VRK1: variants seen among roughly 807,000 people sequenced by gnomAD.
The protein encoded by VRK1 is serine/threonine-protein kinase VRK1.
In VRK1, 33 loss-of-function variants were observed where a neutral mutation model predicts 57.1. The ratio of observed to expected loss-of-function variants is 0.58; its 90% CI spans 0.44 to 0.77. VRK1 has a LOEUF of 0.77. Ranked by LOEUF, VRK1 falls within the 30% of genes least tolerant of loss-of-function variation. VRK1 has a pLI of 0.00. For missense variants in VRK1, 413 were observed against 477.3 expected (o/e 0.87, Z 1.25); for synonymous variants, 137 against 147.8 (o/e 0.93, Z 0.53).
chr14:96,855,445 A>G (rs1320027352), intron 8 of VRK1, 89 bp downstream of exon 8: 1 of 1,594,750 alleles, frequency 6.3e-7, no homozygotes, highest in Non-Finnish European at 8.6e-7. Context: ...AAGTAAATGA[A>G]TAGATAAATA....
At chr14:96,851,529 T>A (rs1261150250) in intron 5 of VRK1, among the ~76,000 whole-genome samples, 1 of 152,232 alleles carries the variant, frequency 6.6e-6, no homozygotes, top group Non-Finnish European at 1.5e-5. Flanking sequence ...TTAGACAAGA[T>A]GATTTTCTAA....
chr14:96,855,172 A>T, intron 7 of VRK1, 52 bp from the exon 8 acceptor site: 1 of 1,613,266 alleles, frequency 6.2e-7, no homozygotes, highest in East Asian at 2.2e-5. Flanking sequence ...TTAAAGGGTT[A>T]TATGTGCAGT....
rs138203192 is a variant in VRK1, at chr14:96,835,937, C to T, written c.161-1825C>T. Among the ~76,000 whole-genome samples the T allele has an allele frequency of 2.6e-3, 392 of 152,192 alleles. 3 individuals carry two copies. Among genetic ancestry groups the T allele is most frequent in the African/African-American group, 8.7e-3 (361 of 41,520 alleles). On this transcript the variant is annotated intron_variant, in intron 2 of 12. Coordinates refer to ENST00000216639, the MANE Select transcript of VRK1 (RefSeq NM_003384.3). ...GACCAAGTATACTGATCAGATAATA[C>T]GATCATCCTGTTTAAACCTCTCTGA... is the stretch of plus-strand genomic sequence containing the variant.
At chr14:96,815,157 TA>T (rs1405172909) in intron 1 of VRK1, among the ~76,000 whole-genome samples, 1 of 152,224 alleles carries the variant, frequency 6.6e-6, no homozygotes, top group East Asian at 1.9e-4. Context: ...TGAATATGAC[TA>T]ATGTGATAAC....
chr14:96,824,663 TA>T lies in VRK1; in HGVS notation c.-5-8802del, dbSNP rs1233876999. ...GATAGCAGAGGGGGATTAAAAACAT[TA>T]ATTTTTTTTTTTTTTTTTTCCCTCT... On this transcript the variant is annotated intron_variant, in intron 1 of 12. Transcript: ENST00000216639. Among the ~76,000 whole-genome samples the T allele has an allele frequency of 2.7e-5, 4 of 150,078 alleles. No homozygotes were observed. In the East Asian group the frequency reaches 7.8e-4, roughly 29 times the overall value.
intron 8 of VRK1, 38 bp downstream of exon 8, chr14:96,855,394 A>G (rs186725718): frequency 6.2e-7 from 1 of 1,613,698 alleles, no homozygotes; most frequent in East Asian, 2.2e-5. Flanking sequence ...TAGACTGCTA[A>G]TGTTTTCACC....
chr14:96,850,453 A>G (rs911385374), intron 5 of VRK1, among the ~76,000 whole-genome samples: 1 of 152,206 alleles, frequency 6.6e-6, no homozygotes, highest in Non-Finnish European at 1.5e-5. Flanking sequence ...TTTACTACTC[A>G]ATGGTAGAGC....
chr14:96,798,628 T>TA (rs915736580), intron 1 of VRK1, among the ~76,000 whole-genome samples: 5 of 151,876 alleles, frequency 3.3e-5, no homozygotes, highest in African/African-American at 1.2e-4. Context: ...AATTCAAGAG[T>TA]AAAAAAAAGT....
At chr14:96,837,678 A>G (rs948854489) in intron 2 of VRK1, 84 bp from the exon 3 acceptor site, 2 of 785,588 alleles carry the variant, frequency 2.5e-6, no homozygotes, top group Non-Finnish European at 3.7e-6. Flanking sequence ...TATTCTATCA[A>G]GGGTTACAGA....
At chr14:96,838,620 A>AT (rs1339623367) in intron 3 of VRK1, among the ~76,000 whole-genome samples, 2 of 152,160 alleles carry the variant, frequency 1.3e-5, no homozygotes, top group Non-Finnish European at 2.9e-5. Context: ...AACTAATGGG[A>AT]TAGATGTACA....
chr14:96,822,398 A>G (rs959779433), intron 1 of VRK1, among the ~76,000 whole-genome samples: 4 of 150,446 alleles, frequency 2.7e-5, no homozygotes, highest in Admixed American at 6.6e-5. Context: ...ATTTCTTGTC[A>G]AAAAGTTGCA....
chr14:96,838,011 A>G, intron 3 of VRK1, among the ~76,000 whole-genome samples, 194 bp downstream of exon 3: 1 of 152,104 alleles, frequency 6.6e-6, no homozygotes, highest in East Asian at 1.9e-4. Flanking sequence ...TCCTCTCTTG[A>G]AATAAAGTGG....
At chr14:96,865,793 A>G (rs2139825610) in intron 11 of VRK1, among the ~76,000 whole-genome samples, 1 of 151,876 alleles carries the variant, frequency 6.6e-6, no homozygotes, top group Middle Eastern at 3.4e-3. Flanking sequence ...GTGATTATAC[A>G]AAGTCTTTCC....
intron 11 of VRK1, among the ~76,000 whole-genome samples, chr14:96,868,402 A>G (rs76108433): frequency 0.011 from 1,605 of 152,302 alleles, 20 homozygotes; most frequent in African/African-American, 0.031. Context: ...AGGTGATTTC[A>G]TTATGCAGAC....
At chr14:96,859,512 A>G (rs1335345526) in intron 10 of VRK1, among the ~76,000 whole-genome samples, 2 of 152,192 alleles carry the variant, frequency 1.3e-5, no homozygotes, top group Non-Finnish European at 2.9e-5. Context: ...TTTTTTGTAC[A>G]TCTCCTTTAT....
At chr14:96,855,498 T>A in intron 8 of VRK1, 142 bp downstream of exon 8, 40 of 1,218,738 alleles carry the variant, frequency 3.3e-5, no homozygotes, top group Non-Finnish European at 3.8e-5. Flanking sequence ...AAGGCAGAGG[T>A]GAGACTCCTA....
chr14:96,847,268 A>C lies in VRK1; in HGVS notation c.298A>C (p.Ile100Leu). 1 of 1,613,570 alleles carries C rather than the reference A, an allele frequency of 6.2e-7. No individual in the cohort carries two copies. The highest frequency in any genetic ancestry group is 1.1e-5 in the South Asian group (1 of 91,076). Residue 100 changes from isoleucine to leucine, a missense_variant, in exon 5 of 13, where the codon ATT becomes CTT. Physicochemically the swap from Ile to Leu is conservative, Grantham distance 5. This residue lies in a region of VRK1 where 151 missense variants were observed against 225.5 expected (regional missense o/e 0.67). Transcript: ENST00000216639. The stretch of plus-strand genomic sequence containing the variant: ...GTTTTAATTTGTAGTTCAGAAATGG[A>C]TTCGTACCCGTAAGCTGAAGTACCT... ...AAKPEQIQKW[I>L]RTRKLKYLGV...
Position 96,846,114 on chromosome 14 carries a change from C to T in VRK1, c.236C>T (p.Pro79Leu), listed in dbSNP as rs2139779062. 6.2e-7 allele frequency: 1 copy of T among 1,613,378 alleles called. No individual in the cohort carries two copies. Among genetic ancestry groups the T allele is most frequent in the Non-Finnish European group, 8.5e-7 (1 of 1,179,554 alleles). The change falls in exon 4 of 13, where the codon CCT becomes CTT. Residue 79 changes from proline to leucine, a missense_variant. This residue lies in a region of VRK1 where 116 missense variants were observed against 113.6 expected (regional missense o/e 1.02). Transcript: ENST00000216639. ...VVKVEPSDNG[P>L]LFTELKFYQR... ...TTTAAGGAACCCAGTGACAATGGAC[C>T]TCTTTTTACTGAATTAAAGTTCTAC...
chr14:96,827,873 A>T (rs1886860755), intron 1 of VRK1, among the ~76,000 whole-genome samples: 4 of 152,174 alleles, frequency 2.6e-5, no homozygotes, highest in Admixed American at 6.5e-5. Flanking sequence ...GGATGAAATA[A>T]TAAGTATACT....
Sources: gnomAD v4.1 joint callset for allele counts (sites outside exome capture counted in the v4.1 genomes callset) on GRCh38, gnomAD v4.1.1 for gene constraint, gnomAD v4.1.1 regional missense constraint, MANE v1.5 for transcripts, NCBI Gene and HGNC (gene_info 2026-07-23, HGNC 2026-07-21) for gene names.